GALNT13: variants seen among roughly 807,000 people sequenced by gnomAD.
The protein encoded by GALNT13 is polypeptide N-acetylgalactosaminyltransferase 13.
In GALNT13, 28 loss-of-function variants were observed where a neutral mutation model predicts 64.2. That is an observed-to-expected ratio of 0.44 (90% CI 0.32 to 0.60). The LOEUF is 0.60. Ranked by LOEUF, GALNT13 falls within the 20% of genes least tolerant of loss-of-function variation. GALNT13 has a pLI of 0.05. For missense variants in GALNT13, 577 were observed against 669.8 expected (o/e 0.86, Z 1.53); for synonymous variants, 214 against 224.6 (o/e 0.95, Z 0.42).
the GALNT13 span, among the ~76,000 whole-genome samples, chr2:153,568,857 T>C: frequency 2.0e-5 from 3 of 152,356 alleles, no homozygotes; most frequent in Admixed American, 6.5e-5. Context: ...GGGAAATATA[T>C]GTAGATATGT....
the GALNT13 span, among the ~76,000 whole-genome samples, chr2:153,824,915 G>A: frequency 1.1e-4 from 17 of 152,120 alleles, no homozygotes; most frequent in African/African-American, 3.9e-4. Flanking sequence ...GTTTCCTGAG[G>A]TCTCCCCAGC....
the GALNT13 span, among the ~76,000 whole-genome samples, chr2:153,382,386 A>G: frequency 0.015 from 2,260 of 151,938 alleles, 70 homozygotes; most frequent in African/African-American, 0.051. Context: ...GTTCATGAGT[A>G]CCCAATGTTT....
intron 9 of GALNT13, among the ~76,000 whole-genome samples, chr2:154,335,895 G>A (rs985622075): frequency 1.3e-5 from 2 of 151,878 alleles, no homozygotes; most frequent in African/African-American, 4.8e-5. Context: ...TCTTGATTTG[G>A]CAACTTTATC....
At chr2:153,165,191 TAGC>T in the GALNT13 span, among the ~76,000 whole-genome samples, 1 of 152,252 alleles carries the variant, frequency 6.6e-6, no homozygotes, top group Non-Finnish European at 1.5e-5. Context: ...CAATGACATT[TAGC>T]AGCTGTGTGT....
At position 154,377,610 on chromosome 2, in the gene GALNT13, T is replaced by C. The variant is rs139968005; in HGVS notation, c.1157-18381T>C. Among the ~76,000 whole-genome samples the C allele has an allele frequency of 2.6e-3, 389 of 152,176 alleles. 2 individuals carry two copies. The highest frequency in any genetic ancestry group is 8.9e-3 in the African/African-American group (369 of 41,516). On this transcript the variant is annotated intron_variant, in intron 9 of 12. Transcript: ENST00000392825. ...AGCCTAGGGGAGAACACAAAAGAAA[T>C]AAAAATGAAAAGTTACATTGGCGTA... is the stretch of plus-strand genomic sequence containing the variant.
the GALNT13 span, among the ~76,000 whole-genome samples, chr2:153,086,516 A>T: frequency 6.6e-6 from 1 of 152,036 alleles, no homozygotes; most frequent in Non-Finnish European, 1.5e-5. Flanking sequence ...TTCCCTGCAC[A>T]CAGTCTCTTG....
At chr2:153,459,111 G>A in the GALNT13 span, among the ~76,000 whole-genome samples, 1 of 152,008 alleles carries the variant, frequency 6.6e-6, no homozygotes, top group Non-Finnish European at 1.5e-5. Context: ...AACTCATTAG[G>A]AAATTCATGG....
At chr2:154,155,385 T>C (rs1684349601) in intron 4 of GALNT13, among the ~76,000 whole-genome samples, 1 of 152,082 alleles carries the variant, frequency 6.6e-6, no homozygotes, top group South Asian at 2.1e-4. Context: ...TGCAGATTGA[T>C]TCAATTTAAG....
At chr2:154,066,904 G>T (rs776262832) in intron 3 of GALNT13, among the ~76,000 whole-genome samples, 6 of 151,610 alleles carry the variant, frequency 4.0e-5, no homozygotes, top group African/African-American at 1.5e-4. Flanking sequence ...AAAATAAATC[G>T]GTCAAAAGTA....
chr2:153,645,248 C>A, the GALNT13 span, among the ~76,000 whole-genome samples: 2 of 152,252 alleles, frequency 1.3e-5, no homozygotes, highest in Admixed American at 1.3e-4. Context: ...GAGTTATATA[C>A]TTAATTTTAT....
chr2:154,150,730 G>A (rs1574608115), intron 4 of GALNT13, among the ~76,000 whole-genome samples: 1 of 152,292 alleles, frequency 6.6e-6, no homozygotes, highest in Non-Finnish European at 1.5e-5. Flanking sequence ...GGTGTTTGTA[G>A]TATTCTCAGA....
At chr2:153,288,872 A>G in the GALNT13 span, among the ~76,000 whole-genome samples, 3 of 152,194 alleles carry the variant, frequency 2.0e-5, no homozygotes, top group Non-Finnish European at 2.9e-5. Flanking sequence ...GGGCTACTGT[A>G]CTTAAATTTA....
chr2:153,918,592 TTATTCTCCCCTTC>T (rs1689548920), intron 2 of GALNT13, among the ~76,000 whole-genome samples: 2 of 152,126 alleles, frequency 1.3e-5, no homozygotes, highest in South Asian at 4.1e-4. Flanking sequence ...CTAAATCCTT[TTATTCTCCCCTTC>T]TATTGATGCC....
the GALNT13 span, among the ~76,000 whole-genome samples, chr2:153,594,389 A>G: frequency 6.6e-6 from 1 of 152,144 alleles, no homozygotes; most frequent in African/African-American, 2.4e-5. Flanking sequence ...TGGCTTTTGG[A>G]AACATTTTTT....
At chr2:153,598,217 A>G in the GALNT13 span, among the ~76,000 whole-genome samples, 1 of 152,066 alleles carries the variant, frequency 6.6e-6, no homozygotes, top group Non-Finnish European at 1.5e-5. Flanking sequence ...GTATGACCAG[A>G]TATCTGCCTA....
chr2:153,687,684 T>A, the GALNT13 span, among the ~76,000 whole-genome samples: 1 of 151,966 alleles, frequency 6.6e-6, no homozygotes, highest in African/African-American at 2.4e-5. Flanking sequence ...TGAGGGAGCT[T>A]CAATAACTCT....
chr2:153,849,716 G>A, the GALNT13 span, among the ~76,000 whole-genome samples: 1 of 152,022 alleles, frequency 6.6e-6, no homozygotes, highest in South Asian at 2.1e-4. Context: ...GTTCAGGGAG[G>A]GCATGGTGGT....
At chr2:153,581,666 T>C in the GALNT13 span, among the ~76,000 whole-genome samples, 1 of 151,094 alleles carries the variant, frequency 6.6e-6, no homozygotes, top group African/African-American at 2.4e-5. Context: ...AACTTATGTA[T>C]AAGGGGGAAA....
At position 154,409,094 on chromosome 2, in the gene GALNT13, C is replaced by T. The variant is rs1699679063; in HGVS notation, c.1395+12C>T. On this transcript the variant is annotated intron_variant, in intron 11 of 12. Transcript: ENST00000392825. ...TGGGAGGAAATCAGGTAAACTCTCC[C>T]TTTTTATCAGCTTCATGTTTTAGAG... is the stretch of plus-strand genomic sequence containing the variant. 2.7e-6 allele frequency: 4 copies of T among 1,504,248 alleles called. No homozygotes were observed. Among genetic ancestry groups the T allele is most frequent in the Non-Finnish European group, 3.7e-6 (4 of 1,080,590 alleles). The allele number at this position is 1,504,248 out of a possible 1,614,324, so 93.2% of individuals were successfully genotyped here.
Sources: gnomAD v4.1 joint callset for allele counts (sites outside exome capture counted in the v4.1 genomes callset) on GRCh38, gnomAD v4.1.1 for gene constraint, MANE v1.5 for transcripts, NCBI Gene and HGNC (gene_info 2026-07-23, HGNC 2026-07-21) for gene names.